Variants in MCTP1 observed in about 807,000 individuals in gnomAD.
MCTP1 encodes multiple C2 and transmembrane domain containing 1, also known as multiple C2 and transmembrane domain-containing protein 1.
A neutral mutation model predicts 120.6 loss-of-function variants in MCTP1; 69 were observed. The observed-to-expected ratio is 0.57, with a 90% confidence interval of 0.47 to 0.70. MCTP1 has a LOEUF of 0.70. Among genes scored for constraint, MCTP1 ranks in the 30% least tolerant of loss-of-function variants. The pLI, the probability that MCTP1 is intolerant of heterozygous loss-of-function variation, is 0.00. For missense variants in MCTP1, 1,203 were observed against 1,248.8 expected (o/e 0.96, Z 0.55); for synonymous variants, 529 against 493.1 (o/e 1.07, Z -0.96).
intron 17 of MCTP1, among the ~76,000 whole-genome samples, chr5:94,861,566 A>C (rs1247364974): frequency 6.6e-6 from 1 of 151,878 alleles, no homozygotes; most frequent in Non-Finnish European, 1.5e-5. Flanking sequence ...ACTAACATAA[A>C]TTATATAATT....
chr5:94,937,113 C>T (rs985350956), intron 5 of MCTP1, among the ~76,000 whole-genome samples: 7 of 152,014 alleles, frequency 4.6e-5, no homozygotes, highest in African/African-American at 1.7e-4. Flanking sequence ...TTTTCTAAGC[C>T]CTGGTTGAGC....
chr5:95,181,603 T>TGAGA (rs111990126), intron 1 of MCTP1, among the ~76,000 whole-genome samples: 1 of 149,278 alleles, frequency 6.7e-6, no homozygotes, highest in Non-Finnish European at 1.5e-5. Context: ...ATACACAGGG[T>TGAGA]GAGAGAGAGA....
intron 19 of MCTP1, among the ~76,000 whole-genome samples, chr5:94,734,672 G>T (rs759609962): frequency 5.3e-5 from 8 of 152,120 alleles, no homozygotes; most frequent in Non-Finnish European, 1.2e-4. Context: ...GTCCAGGTAG[G>T]TCTTAGACTC....
At chr5:94,780,745 C>A in intron 18 of MCTP1, among the ~76,000 whole-genome samples, 1 of 152,126 alleles carries the variant, frequency 6.6e-6, no homozygotes, top group African/African-American at 2.4e-5. Context: ...ACCCCTTTGT[C>A]CAAGGCACAT....
In MCTP1 at chr5:94,703,698, A is replaced by T. The variant is rs1294500668; in HGVS notation, c.*3798T>A. 6.6e-6 allele frequency: 1 copy of T among 151,162 alleles called. No homozygotes were observed. The highest frequency in any genetic ancestry group is 1.5e-5 in the Non-Finnish European group (1 of 67,616). The allele number at this position is 151,162 out of a possible 1,614,324, so 9.4% of individuals were successfully genotyped here. On this transcript the variant is annotated 3_prime_UTR_variant, in exon 23 of 23. Coordinates refer to ENST00000515393, the MANE Select transcript of MCTP1 (RefSeq NM_024717.7). ...TTGAAACTCATTTGAGGTCAGTTAC[A>T]ATATTTGATTGTTTTTATTTTTTGA...
chr5:94,825,121 T>A (rs1414764978), intron 17 of MCTP1, among the ~76,000 whole-genome samples: 1 of 152,186 alleles, frequency 6.6e-6, no homozygotes, highest in African/African-American at 2.4e-5. Flanking sequence ...GTTCTTTTAA[T>A]TGTGATGTTA....
rs145030868 is a variant in MCTP1, at chr5:94,738,717, A to T, written c.2611-23831T>A. Among the ~76,000 whole-genome samples the T allele has an allele frequency of 1.2e-3, 183 of 152,180 alleles. 5 individuals carry two copies. The East Asian group carries it at 0.028, about 23-fold the overall frequency. The stretch of plus-strand genomic sequence containing the variant: ...GATCTGTTTCTCCTGCCCTCTCATT[A>T]TTGTCCATTATGTCTGTGGGCTAGC... On this transcript the variant is annotated intron_variant, in intron 19 of 22. Transcript: ENST00000515393.
At chr5:95,134,641 C>T (rs1759299289) in intron 1 of MCTP1, among the ~76,000 whole-genome samples, 1 of 152,140 alleles carries the variant, frequency 6.6e-6, no homozygotes, top group African/African-American at 2.4e-5. Context: ...TGCACAAAAG[C>T]TGGGTTCCAA....
At chr5:95,036,095 A>G (rs1253828104) in intron 1 of MCTP1, among the ~76,000 whole-genome samples, 1 of 152,116 alleles carries the variant, frequency 6.6e-6, no homozygotes, top group Non-Finnish European at 1.5e-5. Flanking sequence ...AAATGTCATG[A>G]AAAAGTGCAT....
chr5:94,941,311 G>A (rs780335410), intron 4 of MCTP1, among the ~76,000 whole-genome samples: 2 of 152,030 alleles, frequency 1.3e-5, no homozygotes, highest in Non-Finnish European at 2.9e-5. Context: ...CAGCGGCAGG[G>A]AGGTGTGAGC....
chr5:94,720,183 T>C (rs1361439943), intron 19 of MCTP1, among the ~76,000 whole-genome samples: 1 of 151,180 alleles, frequency 6.6e-6, no homozygotes, highest in Non-Finnish European at 1.5e-5. Flanking sequence ...AAAGCAAAAA[T>C]GAATTATAAA....
At chr5:94,839,205 A>C (rs935489890) in intron 17 of MCTP1, among the ~76,000 whole-genome samples, 1 of 152,162 alleles carries the variant, frequency 6.6e-6, no homozygotes, top group African/African-American at 2.4e-5. Flanking sequence ...ACCTTCAGAA[A>C]CATGTTTCAG....
chr5:94,722,505 C>A (rs968103979), intron 19 of MCTP1, among the ~76,000 whole-genome samples: 10 of 152,138 alleles, frequency 6.6e-5, no homozygotes, highest in South Asian at 2.1e-4. Context: ...TGTTATTTCA[C>A]TTCCTAAGGT....
At chr5:95,164,799 G>A (rs147567996) in intron 1 of MCTP1, among the ~76,000 whole-genome samples, 5 of 152,234 alleles carry the variant, frequency 3.3e-5, no homozygotes, top group African/African-American at 1.2e-4. Context: ...GATGCTAGCT[G>A]GATAATGTAA....
At chr5:95,000,425 A>C (rs1833447744) in intron 2 of MCTP1, among the ~76,000 whole-genome samples, 1 of 152,176 alleles carries the variant, frequency 6.6e-6, no homozygotes, top group Non-Finnish European at 1.5e-5. Context: ...TTATCATAGG[A>C]GATGACAGCT....
intron 1 of MCTP1, among the ~76,000 whole-genome samples, chr5:95,090,705 C>T (rs766158101): frequency 7.2e-5 from 11 of 152,022 alleles, no homozygotes; most frequent in Non-Finnish European, 1.3e-4. Context: ...AATGCTTTGG[C>T]TGTCCAGATT....
chr5:94,783,371 C>T (rs1776976012), intron 18 of MCTP1, among the ~76,000 whole-genome samples: 1 of 151,888 alleles, frequency 6.6e-6, no homozygotes, highest in African/African-American at 2.4e-5. Context: ...ATCTATAGAC[C>T]ATATATTTTA....
intron 1 of MCTP1, among the ~76,000 whole-genome samples, chr5:95,240,759 G>A (rs939146640): frequency 6.6e-6 from 1 of 152,106 alleles, no homozygotes; most frequent in African/African-American, 2.4e-5. Context: ...AGTCTTAGCA[G>A]TGTGCCATTT....
chr5:94,773,666 A>G (rs140516779), intron 19 of MCTP1, among the ~76,000 whole-genome samples: 2,570 of 152,248 alleles, frequency 0.017, 31 homozygotes, highest in Non-Finnish European at 0.027. Context: ...AGGACTCACA[A>G]TCATGGTGGA....
Sources: allele counts gnomAD v4.1 joint callset (sites outside exome capture counted in the v4.1 genomes callset), GRCh38; gene constraint gnomAD v4.1.1; transcripts MANE v1.5; gene names NCBI Gene and HGNC (gene_info 2026-07-23, HGNC 2026-07-21).